TNRC6A: variants seen among roughly 807,000 people sequenced by gnomAD.
TNRC6A encodes trinucleotide repeat-containing gene 6A protein.
In TNRC6A, 44 loss-of-function variants were observed where a neutral mutation model predicts 221.2. The observed-to-expected ratio is 0.20, with a 90% CI of 0.16 to 0.26. TNRC6A has a LOEUF of 0.26. Among genes scored for constraint, TNRC6A ranks in the 10% least tolerant of loss-of-function variants. The pLI, the probability that TNRC6A is intolerant of heterozygous loss-of-function variation, is 1.00. For missense variants in TNRC6A, 2,199 were observed against 2,404.4 expected (o/e 0.91, Z 1.79); for synonymous variants, 847 against 838.5 (o/e 1.01, Z -0.18).
At chr16:24,633,177 T>C (rs572849981) in intron 1 of TNRC6A, among the ~76,000 whole-genome samples, 14 of 152,248 alleles carry the variant, frequency 9.2e-5, no homozygotes, top group African/African-American at 3.1e-4. Context: ...AGAGCCTTTA[T>C]ATGCTCTATT....
At chr16:24,635,225 C>A (rs1256026486) in intron 1 of TNRC6A, among the ~76,000 whole-genome samples, 1 of 149,340 alleles carries the variant, frequency 6.7e-6, no homozygotes, top group Admixed American at 6.8e-5. Context: ...AACTCTATAC[C>A]CTTCATCTGG....
intron 5 of TNRC6A, among the ~76,000 whole-genome samples, chr16:24,788,139 T>TA (rs1459893219): frequency 6.6e-6 from 1 of 152,218 alleles, no homozygotes; most frequent in Non-Finnish European, 1.5e-5. Flanking sequence ...GTAAAATAAC[T>TA]AAATAGTAAT....
chr16:24,781,984 G>T (rs909136585), intron 5 of TNRC6A, among the ~76,000 whole-genome samples: 1 of 151,994 alleles, frequency 6.6e-6, no homozygotes, highest in African/African-American at 2.4e-5. Flanking sequence ...CACCATGCCC[G>T]GCTAATTTTT....
intron 1 of TNRC6A, among the ~76,000 whole-genome samples, chr16:24,618,828 C>T (rs35034263): frequency 0.092 from 13,956 of 151,264 alleles, 826 homozygotes; most frequent in Non-Finnish European, 0.13. Context: ...TGGGGTTTCA[C>T]CATGTTAGCC....
intron 22 of TNRC6A, among the ~76,000 whole-genome samples, chr16:24,820,787 G>A (rs563875159): frequency 1.3e-5 from 2 of 152,294 alleles, no homozygotes; most frequent in South Asian, 4.1e-4. Flanking sequence ...TGGCCAACAG[G>A]CATAAGCCAG....
intron 2 of TNRC6A, among the ~76,000 whole-genome samples, chr16:24,674,074 T>A (rs2055358996): frequency 6.6e-6 from 1 of 152,110 alleles, no homozygotes; most frequent in South Asian, 2.1e-4. Context: ...TGATCTTTTT[T>A]ATTTTTCTTT....
At chr16:24,780,905 A>G (rs1054457462) in intron 5 of TNRC6A, among the ~76,000 whole-genome samples, 11 of 152,082 alleles carry the variant, frequency 7.2e-5, no homozygotes, top group African/African-American at 2.4e-4. Context: ...GTGCTCTTGC[A>G]TTGGGCTTTT....
intron 1 of TNRC6A, among the ~76,000 whole-genome samples, chr16:24,634,560 T>C (rs1042351778): frequency 1.3e-5 from 2 of 152,184 alleles, no homozygotes; most frequent in Admixed American, 1.3e-4. Flanking sequence ...CTGAACCTAA[T>C]ACAAGAGTAT....
At chr16:24,732,262 C>G (rs1457361483) in intron 2 of TNRC6A, among the ~76,000 whole-genome samples, 1 of 152,068 alleles carries the variant, frequency 6.6e-6, no homozygotes, top group Non-Finnish European at 1.5e-5. Flanking sequence ...TCCTTTTTCA[C>G]AAAAAAGAAT....
chr16:24,809,151 C>G (rs2058492473), intron 17 of TNRC6A, among the ~76,000 whole-genome samples, 199 bp from the exon 18 acceptor site: 1 of 152,156 alleles, frequency 6.6e-6, no homozygotes, highest in African/African-American at 2.4e-5. Flanking sequence ...TTTTCTCCCT[C>G]TTATTTTGCC....
Position 24,823,465 on chromosome 16 carries a change from G to A in TNRC6A, c.5547G>A (p.Glu1849=), listed in dbSNP as rs1333813157. The change falls in exon 25 of 25, where the codon GAG becomes GAA. Residue 1849 remains glutamate, a synonymous_variant. Transcript: ENST00000395799. The surrounding 1 kb of genome is among the most constrained non-coding windows in gnomAD (Gnocchi z 4.3). Reference sequence around the variant, plus strand: ...TGGGGAACACTACTATTCTTGCTGAGTTTGCCAGTGAAGAGGAGATCAGTC... The same window carrying A: ...TGGGGAACACTACTATTCTTGCTGAATTTGCCAGTGAAGAGGAGATCAGTC... ...CVLGNTTILA[E]FASEEEISRF... The A allele has an allele frequency of 6.2e-7, 1 of 1,613,938 alleles. No individual in the cohort carries two copies. Among genetic ancestry groups the A allele is most frequent in the Admixed American group, 1.7e-5 (1 of 59,994 alleles).
At chr16:24,672,300 T>C (rs894186785) in intron 2 of TNRC6A, among the ~76,000 whole-genome samples, 4 of 152,068 alleles carry the variant, frequency 2.6e-5, no homozygotes, top group African/African-American at 9.7e-5. Context: ...TTTTTTTTCT[T>C]TGTATTTTTA....
rs370560023 is a variant in TNRC6A, at chr16:24,765,806, CTATT to C, written c.163+7448_163+7451del. 3.1e-4 allele frequency among the ~76,000 whole-genome samples: 47 copies of C among 152,246 alleles called. No homozygotes were observed. In the East Asian group the frequency reaches 8.1e-3, roughly 26 times the overall value. ...TTAGGTAGATCATGTAACAAAGTCA[CTATT>C]TTTTCTTTCCTCCTATTGTGAAAGG... On this transcript the variant is annotated intron_variant, in intron 4 of 24. Coordinates refer to ENST00000395799, the MANE Select transcript of TNRC6A (RefSeq NM_014494.4).
intron 2 of TNRC6A, among the ~76,000 whole-genome samples, chr16:24,748,120 A>ATATC (rs1301588414): frequency 6.6e-6 from 1 of 152,186 alleles, no homozygotes; most frequent in East Asian, 1.9e-4. Flanking sequence ...TGCTTACTAG[A>ATATC]TAAGCTTTGT....
intron 2 of TNRC6A, among the ~76,000 whole-genome samples, chr16:24,702,184 T>C (rs1349032121): frequency 1.2e-5 from 1 of 84,994 alleles, no homozygotes; most frequent in African/African-American, 3.6e-5. Context: ...TCTTTTTTCT[T>C]TTTTTTTTTT....
At chr16:24,759,827 G>A (rs1330311909) in intron 4 of TNRC6A, among the ~76,000 whole-genome samples, 1 of 152,166 alleles carries the variant, frequency 6.6e-6, no homozygotes, top group Non-Finnish European at 1.5e-5. Flanking sequence ...ATCAGAAGAG[G>A]AGTTGAAGGC....
At position 24,729,791 on chromosome 16, in the gene TNRC6A, G is replaced by A; in HGVS notation, c.-51G>A. ...CCCCGCGGCGCTGCGGAGGGCTTGA[G>A]GCTCGCGAGCCTCCTTCGCCGCGCC... is the stretch of plus-strand genomic sequence containing the variant. On this transcript the variant is annotated 5_prime_UTR_variant, in exon 1 of 25. Transcript: ENST00000395799. 7.1e-7 allele frequency: 1 copy of A among 1,405,504 alleles called. No individual in the cohort carries two copies. The highest frequency in any genetic ancestry group is 9.3e-7 in the Non-Finnish European group (1 of 1,073,178). The allele number at this position is 1,405,504 out of a possible 1,614,324, so 87.1% of individuals were successfully genotyped here.
At chr16:24,821,950 G>A in intron 22 of TNRC6A, 127 bp from the exon 23 acceptor site, 1 of 877,582 alleles carries the variant, frequency 1.1e-6, no homozygotes, top group Non-Finnish European at 1.9e-6. Flanking sequence ...TGGGCCTAGG[G>A]AGAAAGCCTC....
intron 2 of TNRC6A, among the ~76,000 whole-genome samples, chr16:24,675,728 A>C (rs1277711359): frequency 9.1e-4 from 124 of 135,604 alleles, no homozygotes; most frequent in African/African-American, 3.1e-3. Context: ...ATATATATAT[A>C]TATATATATA....
Sources: allele counts gnomAD v4.1 joint callset (sites outside exome capture counted in the v4.1 genomes callset), GRCh38; gene constraint gnomAD v4.1.1; non-coding constraint Gnocchi (gnomAD v3.1); transcripts MANE v1.5; gene names NCBI Gene and HGNC (gene_info 2026-07-23, HGNC 2026-07-21).